QTMAN: variants seen among roughly 807,000 people sequenced by gnomAD.
QTMAN encodes the protein tRNA-queuosine alpha-mannosyltransferase.
At chr2:144,090,626 G>A in the QTMAN span, among the ~76,000 whole-genome samples, 1 of 151,868 alleles carries the variant, frequency 6.6e-6, no homozygotes, top group African/African-American at 2.4e-5. Flanking sequence ...ATCAAAAAAA[G>A]GTAAATATTG....
the QTMAN span, among the ~76,000 whole-genome samples, chr2:144,166,441 C>T: frequency 2.6e-5 from 4 of 152,280 alleles, no homozygotes; most frequent in East Asian, 7.7e-4. Flanking sequence ...TTCAATTAAT[C>T]GACAAAGGTA....
At chr2:144,145,631 A>C in the QTMAN span, 1 of 1,611,138 alleles carries the variant, frequency 6.2e-7, no homozygotes. Flanking sequence ...TCTTGACAGG[A>C]TATATCAACT....
chr2:144,026,194 G>A, the QTMAN span, among the ~76,000 whole-genome samples: 53 of 152,248 alleles, frequency 3.5e-4, no homozygotes, highest in African/African-American at 1.2e-3. Context: ...AGCACTTTGG[G>A]AGGCCGAGGC....
At chr2:143,969,058 A>G in the QTMAN span, among the ~76,000 whole-genome samples, 1 of 150,600 alleles carries the variant, frequency 6.6e-6, no homozygotes, top group Admixed American at 6.6e-5. Context: ...TGTAATGCAC[A>G]TACCAACTTA....
At chr2:144,067,785 A>G in the QTMAN span, among the ~76,000 whole-genome samples, 1 of 152,182 alleles carries the variant, frequency 6.6e-6, no homozygotes, top group African/African-American at 2.4e-5. Context: ...GGTAAAACCA[A>G]TTTTCTGTCT....
At chr2:144,269,138 A>G in the QTMAN span, among the ~76,000 whole-genome samples, 20 of 152,336 alleles carry the variant, frequency 1.3e-4, no homozygotes, top group African/African-American at 4.6e-4. Context: ...AAGATGTTAC[A>G]AATGTCTTTT....
At chr2:144,262,652 A>G in the QTMAN span, among the ~76,000 whole-genome samples, 2 of 54,960 alleles carry the variant, frequency 3.6e-5, no homozygotes, top group African/African-American at 7.4e-5. Flanking sequence ...GGGAGGGGAG[A>G]TGGAATGGGA....
the QTMAN span, among the ~76,000 whole-genome samples, chr2:144,025,700 A>C: frequency 1.3e-5 from 2 of 152,170 alleles, no homozygotes; most frequent in Non-Finnish European, 2.9e-5. Context: ...GGTATGTCTC[A>C]AAAGAACATA....
At chr2:144,244,689 T>C in the QTMAN span, among the ~76,000 whole-genome samples, 1 of 152,148 alleles carries the variant, frequency 6.6e-6, no homozygotes. Context: ...ATAATAATCT[T>C]ATAGTGGACC....
the QTMAN span, among the ~76,000 whole-genome samples, chr2:144,184,353 G>A: frequency 6.6e-6 from 1 of 151,934 alleles, no homozygotes; most frequent in East Asian, 1.9e-4. Flanking sequence ...TTTTCTTTTA[G>A]AGAGCTTAAA....
chr2:143,991,572 C>A, the QTMAN span, among the ~76,000 whole-genome samples: 10 of 149,056 alleles, frequency 6.7e-5, no homozygotes, highest in East Asian at 1.6e-3. Context: ...GGGGGTCAGC[C>A]CCCCGCCCGA....
the QTMAN span, chr2:143,951,884 T>C: frequency 1.5e-6 from 1 of 655,212 alleles, no homozygotes; most frequent in South Asian, 1.9e-5. Context: ...GCATGTTTCC[T>C]TTAAACATTA....
the QTMAN span, among the ~76,000 whole-genome samples, chr2:144,004,133 T>C: frequency 6.6e-6 from 1 of 151,976 alleles, no homozygotes; most frequent in Non-Finnish European, 1.5e-5. Flanking sequence ...TTCCTGCTTC[T>C]AAAGAGCTTC....
At chr2:144,100,107 T>A in the QTMAN span, among the ~76,000 whole-genome samples, 1 of 152,198 alleles carries the variant, frequency 6.6e-6, no homozygotes, top group African/African-American at 2.4e-5. Context: ...TAATGCTCCC[T>A]GAAATTAAAG....
chr2:144,083,999 T>A, the QTMAN span, among the ~76,000 whole-genome samples: 1 of 152,332 alleles, frequency 6.6e-6, no homozygotes, highest in Admixed American at 6.5e-5. Context: ...CTGATAATAA[T>A]ACATGTGAAG....
chr2:144,082,582 A>G, the QTMAN span, among the ~76,000 whole-genome samples: 2 of 152,082 alleles, frequency 1.3e-5, no homozygotes, highest in African/African-American at 2.4e-5. Flanking sequence ...AAAAGGTTGA[A>G]CATACCCATA....
the QTMAN span, among the ~76,000 whole-genome samples, chr2:143,984,576 C>G: frequency 6.6e-6 from 1 of 152,222 alleles, no homozygotes; most frequent in Non-Finnish European, 1.5e-5. Context: ...GCTCCACCCT[C>G]AAGCCTGGAC....
the QTMAN span, among the ~76,000 whole-genome samples, chr2:144,271,381 C>G: frequency 2.6e-5 from 4 of 152,162 alleles, no homozygotes; most frequent in African/African-American, 4.8e-5. Flanking sequence ...AAATATTGAA[C>G]AGCTTGGCTT....
the QTMAN span, among the ~76,000 whole-genome samples, chr2:144,027,497 G>A: frequency 2.0e-5 from 3 of 152,174 alleles, no homozygotes; most frequent in African/African-American, 7.2e-5. Flanking sequence ...TGGCTCTGGT[G>A]CTCATTTAGG....
Sources: gnomAD v4.1 joint callset for allele counts (sites outside exome capture counted in the v4.1 genomes callset) on GRCh38, gnomAD v4.1.1 for gene constraint, MANE v1.5 for transcripts, NCBI Gene and HGNC (gene_info 2026-07-23, HGNC 2026-07-21) for gene names.